PSMA3: variants seen among roughly 807,000 people sequenced by gnomAD.
PSMA3 encodes proteasome 20S subunit alpha 3, also known as proteasome subunit alpha type-3.
A neutral mutation model predicts 40.0 loss-of-function variants in PSMA3; 8 were observed. The ratio of observed to expected loss-of-function variants is 0.20; its 90% CI spans 0.12 to 0.36. The LOEUF (loss-of-function observed/expected upper bound fraction) is 0.36. Among genes scored for constraint, PSMA3 ranks in the 10% least tolerant of loss-of-function variants. The pLI, the probability that PSMA3 is intolerant of heterozygous loss-of-function variation, is 1.00. For missense variants in PSMA3, 219 were observed against 310.6 expected, an observed-to-expected ratio of 0.70 and a Z score of 2.22; for synonymous variants, 110 against 100.0, an observed-to-expected ratio of 1.10 and a Z score of -0.59.
Position 58,257,655 on chromosome 14 carries a change from T to TA in PSMA3, c.229-83dup, listed in dbSNP as rs555288195. ...GTTTATTTTGAATGGTAATACTTGT[T>TA]AAAAAAATGTTTAATAAGTCTTTAT... On this transcript the variant is annotated intron_variant, in intron 3 of 10. Transcript: ENST00000216455. The TA allele has an allele frequency of 1.9e-4, 223 of 1,201,410 alleles. 1 individual carries two copies. The African/African-American group carries it at 2.2e-3, about 12-fold the overall frequency. 74.4% of individuals were successfully genotyped at this position (1,201,410 alleles called of 1,614,324 possible). A position where few individuals can be genotyped will look rare whatever the true frequency, so the allele number is the denominator to read the frequency against.
In PSMA3 at chr14:58,258,342, T is replaced by G. The variant is rs1890196162; in HGVS notation, c.404+344T>G. 2.8e-5 allele frequency: 5 copies of G among 181,166 alleles called. No homozygotes were observed. In the South Asian group the frequency reaches 7.0e-4, roughly 25 times the overall value. The allele number at this position is 181,166 out of a possible 1,614,324, so 11.2% of individuals were successfully genotyped here. On this transcript the variant is annotated intron_variant, in intron 5 of 10. Transcript: ENST00000216455. ...GTAGTCACAGCTACTTAGGAGCTGC[T>G]TGAGAGGATCATTTGAGCCCAGGAG...
intron 8 of PSMA3, 180 bp from the exon 9 acceptor site, chr14:58,270,238 T>C: frequency 1.2e-6 from 1 of 866,438 alleles, no homozygotes; most frequent in Non-Finnish European, 1.7e-6. Context: ...TGTTTCATTT[T>C]ATTTCAGTCC....
chr14:58,260,483 G>C (rs1415355630), intron 5 of PSMA3, among the ~76,000 whole-genome samples: 1 of 152,172 alleles, frequency 6.6e-6, no homozygotes, highest in African/African-American at 2.4e-5. Context: ...AGCCTAATTT[G>C]TTGAGCACAG....
intron 5 of PSMA3, among the ~76,000 whole-genome samples, chr14:58,259,288 T>G (rs544150248): frequency 2.6e-5 from 4 of 152,244 alleles, no homozygotes; most frequent in South Asian, 2.1e-4. Context: ...ATAGTAGAGA[T>G]AACTTTTTTT....
Position 58,263,681 on chromosome 14 carries a change from TTA to T in PSMA3, c.478-16_478-15del, listed in dbSNP as rs760416943. 6 of 1,574,808 alleles carry T rather than the reference TTA, an allele frequency of 3.8e-6. No homozygotes were observed. The South Asian group carries it at 6.7e-5, about 17-fold the overall frequency. On this transcript the variant is annotated intron_variant, in intron 6 of 10. Coordinates refer to ENST00000216455, the MANE Select transcript of PSMA3 (RefSeq NM_002788.4). ...ATATGATAGTGTACTAATTCAGTGA[TTA>T]TATATATTTTTTTCTAAATAGGGTT... is the stretch of plus-strand genomic sequence containing the variant.
At chr14:58,265,323 TC>T (rs1289994848) in intron 7 of PSMA3, 1 of 151,970 alleles carries the variant, frequency 6.6e-6, no homozygotes, top group Non-Finnish European at 1.5e-5. Flanking sequence ...TGTAGTTAAA[TC>T]CTAGCAAGGA....
chr14:58,254,462 C>T lies in PSMA3; in HGVS notation c.228+2220C>T, dbSNP rs530682424. 4.0e-5 allele frequency among the ~76,000 whole-genome samples: 6 copies of T among 150,086 alleles called. No individual in the cohort carries two copies. The East Asian group carries it at 1.2e-3, about 30-fold the overall frequency. On this transcript the variant is annotated intron_variant, in intron 3 of 10. Coordinates refer to ENST00000216455, the MANE Select transcript of PSMA3 (RefSeq NM_002788.4). ...AAGTGATTCTTCTGCCTCAGCCTCC[C>T]AAATAGCTGTGACTACAAGTGTGCC...
chr14:58,252,392 A>C, intron 3 of PSMA3, 150 bp downstream of exon 3: 62 of 1,089,126 alleles, frequency 5.7e-5, no homozygotes, highest in Non-Finnish European at 6.8e-5. Context: ...CAGCATTCTC[A>C]TAACCTTATT....
chr14:58,257,886 T>C (rs1254560196), intron 4 of PSMA3, 39 bp from the exon 5 acceptor site: 4 of 1,612,492 alleles, frequency 2.5e-6, no homozygotes, highest in African/African-American at 2.7e-5. Flanking sequence ...TGGACAGTAA[T>C]AGAAGTTTAT....
At chr14:58,267,735 G>A (rs1012456551) in intron 8 of PSMA3, 10 of 889,910 alleles carry the variant, frequency 1.1e-5, no homozygotes, top group Non-Finnish European at 1.3e-5. Flanking sequence ...AAAATAGCTT[G>A]ACAAAATAAA....
rs1345836561 is a variant in PSMA3, at chr14:58,257,977, CTG to C, written c.385_386del (p.Val129Ter). Reference sequence around the variant, plus strand: ...GTGCATGCATATACACTCTACAGTGCTGTTAGACCTTTTGGCTGCAGGTAAGA... The same window carrying C: ...GTGCATGCATATACACTCTACAGTGCTTAGACCTTTTGGCTGCAGGTAAGA... On this transcript the variant is annotated frameshift_variant, in exon 5 of 11. Transcript: ENST00000216455. LOFTEE classifies it high-confidence loss of function. 6.2e-7 allele frequency: 1 copy of C among 1,613,614 alleles called. No individual in the cohort carries two copies. Among genetic ancestry groups the C allele is most frequent in the Non-Finnish European group, 8.5e-7 (1 of 1,179,668 alleles).
At chr14:58,254,918 A>G (rs1890109228) in intron 3 of PSMA3, among the ~76,000 whole-genome samples, 1 of 152,164 alleles carries the variant, frequency 6.6e-6, no homozygotes, top group Admixed American at 6.5e-5. Context: ...TTAACATGTA[A>G]TGAGTGCTCA....
At chr14:58,267,424 C>A in intron 7 of PSMA3, 50 bp from the exon 8 acceptor site, 1 of 1,422,554 alleles carries the variant, frequency 7.0e-7, no homozygotes. Context: ...AGTTATTACA[C>A]AAGTGGAAAA....
intron 2 of PSMA3, among the ~76,000 whole-genome samples, chr14:58,248,472 C>T (rs574832906): frequency 3.0e-4 from 46 of 152,080 alleles, no homozygotes; most frequent in Non-Finnish European, 5.0e-4. Context: ...TCAAGTGATC[C>T]GCTCACCTCG....
At chr14:58,270,554 T>C in intron 9 of PSMA3, 69 bp downstream of exon 9, 4 of 1,601,122 alleles carry the variant, frequency 2.5e-6, no homozygotes, top group Non-Finnish European at 3.4e-6. Flanking sequence ...CAACTGAGTG[T>C]CCTTTCTAAT....
chr14:58,269,499 C>G (rs1479615328), intron 8 of PSMA3: 3 of 151,624 alleles, frequency 2.0e-5, no homozygotes, highest in Non-Finnish European at 4.4e-5. Flanking sequence ...GTGTCGTGAT[C>G]TCAGCTCACT....
rs973898713 is a variant in PSMA3 at position 58,254,142 on chromosome 14, G to C, written c.228+1900G>C. 2.7e-5 allele frequency among the ~76,000 whole-genome samples: 4 copies of C among 150,908 alleles called. No individual in the cohort carries two copies. In the East Asian group the frequency reaches 7.8e-4, roughly 29 times the overall value. On this transcript the variant is annotated intron_variant, in intron 3 of 10. Coordinates refer to ENST00000216455, the MANE Select transcript of PSMA3 (RefSeq NM_002788.4). ...CATCATTTAGCTTCCACTTATAAGA[G>C]AGAACATGTGGTTTTTGGTTTTCTC...
chr14:58,246,228 G>T (rs1274849280), intron 1 of PSMA3, among the ~76,000 whole-genome samples: 1 of 152,092 alleles, frequency 6.6e-6, no homozygotes, highest in Non-Finnish European at 1.5e-5. Flanking sequence ...TCGTTTAATA[G>T]TCATTTCGTA....
chr14:58,256,099 CT>C (rs1404505515), intron 3 of PSMA3, among the ~76,000 whole-genome samples: 1 of 152,156 alleles, frequency 6.6e-6, no homozygotes, highest in Non-Finnish European at 1.5e-5. Flanking sequence ...GGTGATCCCC[CT>C]GCCTCGGCCT....
Sources: gnomAD v4.1 joint callset for allele counts (sites outside exome capture counted in the v4.1 genomes callset) on GRCh38, gnomAD v4.1.1 for gene constraint, MANE v1.5 for transcripts, NCBI Gene and HGNC (gene_info 2026-07-23, HGNC 2026-07-21) for gene names.